The following SPATA13 variants were observed in gnomAD, a reference collection of about 807,000 sequenced individuals.
SPATA13 encodes spermatogenesis associated 13.
SPATA13 carries 50 observed loss-of-function variants against 104.0 expected under a neutral mutation model. The ratio of observed to expected loss-of-function variants is 0.48; its 90% CI spans 0.38 to 0.61. The LOEUF (loss-of-function observed/expected upper bound fraction) is 0.61, where lower values mean the gene tolerates loss of function less well. SPATA13 is among the 20% of genes least tolerant of loss of function. SPATA13 has a pLI of 0.00. For missense variants in SPATA13, 1,524 were observed against 1,690.6 expected, an observed-to-expected ratio of 0.90 and a Z score of 1.73; for synonymous variants, 606 against 667.5, an observed-to-expected ratio of 0.91 and a Z score of 1.42.
chr13:24,219,719 G>T (rs541695923), intron 1 of SPATA13, among the ~76,000 whole-genome samples: 17 of 152,306 alleles, frequency 1.1e-4, no homozygotes, highest in African/African-American at 3.8e-4. Context: ...ATTGCAGGGG[G>T]CTCAGGAAGG....
At chr13:24,120,475 C>T (rs1223045015) in intron 3 of SPATA13, among the ~76,000 whole-genome samples, 5 of 152,168 alleles carry the variant, frequency 3.3e-5, no homozygotes, top group Non-Finnish European at 5.9e-5. Flanking sequence ...AATTTCTCCA[C>T]CTTTTGCACA....
At position 24,160,906 on chromosome 13, in the gene SPATA13, A is replaced by G. The variant is rs973851203; in HGVS notation, c.-138A>G. 6.1e-6 allele frequency: 6 copies of G among 985,232 alleles called. No individual in the cohort carries two copies. Among genetic ancestry groups the G allele is most frequent in the African/African-American group, 1.8e-5 (1 of 57,094 alleles). The allele number at this position is 985,232 out of a possible 1,614,324, so 61.0% of individuals were successfully genotyped here. On this transcript the variant is annotated 5_prime_UTR_variant, in exon 1 of 13. Coordinates refer to ENST00000382108, the MANE Select transcript of SPATA13 (RefSeq NM_001166271.3). ...GACGTGTTGGACACGCTGACTTTGT[A>G]GGCTCCGCCAAGAGGCGCCGCAGGA...
At position 24,223,589 on chromosome 13, in the gene SPATA13, C is replaced by A; in HGVS notation, c.660C>A (p.Asn220Lys). The change falls in exon 2 of 13, where the codon AAC (asparagine) becomes AAA (lysine). Residue 220 changes from asparagine (N) to lysine (K), a missense_variant. By Grantham distance (94) the Asn-to-Lys change is moderately conservative. This residue lies in a region of SPATA13 where 1,089 missense variants were observed against 1,135.9 expected (regional missense o/e 0.96). Coordinates refer to ENST00000382108, the MANE Select transcript of SPATA13 (RefSeq NM_001166271.3). ...GRICLLDAPQ[N>K]HATPTIATGQ... The stretch of plus-strand genomic sequence containing the variant: ...TCTGCCTGCTGGATGCGCCCCAGAA[C>A]CATGCGACACCCACGATAGCCACTG... 6.4e-7 allele frequency: 1 copy of A among 1,550,740 alleles called. No homozygotes were observed. The highest frequency in any genetic ancestry group is 8.7e-7 in the Non-Finnish European group (1 of 1,147,016).
chr13:24,174,491 T>C (rs118170712), intron 1 of SPATA13, among the ~76,000 whole-genome samples: 1,567 of 152,206 alleles, frequency 0.01, 10 homozygotes, highest in Non-Finnish European at 0.012. Context: ...CAGCACTGCT[T>C]TCGCTATATT....
chr13:24,228,486 T>G (rs978058913), intron 2 of SPATA13, among the ~76,000 whole-genome samples: 2 of 152,218 alleles, frequency 1.3e-5, no homozygotes, highest in African/African-American at 4.8e-5. Context: ...ACATTGCATC[T>G]TATACACTGG....
intron 3 of SPATA13, among the ~76,000 whole-genome samples, chr13:24,082,587 G>A (rs1323551900): frequency 6.6e-6 from 1 of 151,876 alleles, no homozygotes. Context: ...TTGGGAGGCC[G>A]AGGCGGGTGG....
At chr13:23,983,997 G>A (rs1875033129) in intron 2 of SPATA13, 1 of 971,942 alleles carries the variant, frequency 1.0e-6, no homozygotes, top group Admixed American at 6.2e-5. Flanking sequence ...AGATACCTAT[G>A]GCAGAGTATT....
intron 4 of SPATA13, chr13:24,278,922 TTCC>T: frequency 9.2e-7 from 1 of 1,082,884 alleles, no homozygotes; most frequent in Admixed American, 3.5e-5. Flanking sequence ...CCTTCCTTCC[TTCC>T]CTCTTTCCTT....
intron 3 of SPATA13, among the ~76,000 whole-genome samples, chr13:24,133,809 G>A (rs1053203656): frequency 1.3e-5 from 2 of 152,178 alleles, no homozygotes; most frequent in African/African-American, 2.4e-5. Flanking sequence ...CAGAGTTATG[G>A]TCCAAAGGGG....
intron 2 of SPATA13, among the ~76,000 whole-genome samples, chr13:24,006,595 G>C (rs1389322588): frequency 2.0e-5 from 3 of 152,208 alleles, no homozygotes; most frequent in Admixed American, 6.5e-5. Context: ...ACAGTTGCAG[G>C]TGTGGTTGAC....
chr13:23,988,151 G>A (rs911002322), intron 2 of SPATA13, among the ~76,000 whole-genome samples: 1 of 152,028 alleles, frequency 6.6e-6, no homozygotes, highest in Non-Finnish European at 1.5e-5. Flanking sequence ...CACTGTGTTG[G>A]CCAGGCTGGT....
At chr13:24,124,596 C>T (rs1355450509) in intron 3 of SPATA13, among the ~76,000 whole-genome samples, 2 of 152,196 alleles carry the variant, frequency 1.3e-5, no homozygotes, top group African/African-American at 4.8e-5. Flanking sequence ...TCAAACAAGT[C>T]TAATTGGACA....
At chr13:24,157,486 G>C (rs1031473456), upstream of SPATA13, among the ~76,000 whole-genome samples, 2 of 152,080 alleles carry the variant, frequency 1.3e-5, no homozygotes, top group Non-Finnish European at 2.9e-5. Flanking sequence ...ATTTTTAGTA[G>C]AGACGGGGTT....
chr13:24,086,687 G>T (rs1034621181), intron 3 of SPATA13, among the ~76,000 whole-genome samples: 1 of 152,140 alleles, frequency 6.6e-6, no homozygotes, highest in Non-Finnish European at 1.5e-5. Flanking sequence ...AAGGAAAGAA[G>T]GCAGACTCCC....
Position 24,296,162 on chromosome 13 carries a change from A to G in SPATA13, c.3211-1201A>G, listed in dbSNP as rs532424019. ...GGTGGTGAAAATTGGAGAGAAACAC[A>G]TACATTTCAAGGGCCTTATAGACTT... On this transcript the variant is annotated intron_variant, in intron 10 of 12. Coordinates refer to ENST00000382108, the MANE Select transcript of SPATA13 (RefSeq NM_001166271.3). Among the ~76,000 whole-genome samples, 5 of 152,254 alleles carry G rather than the reference A, an allele frequency of 3.3e-5. No individual in the cohort carries two copies. The South Asian group carries it at 8.3e-4, about 25-fold the overall frequency.
intron 3 of SPATA13, chr13:24,123,380 T>A: frequency 7.8e-7 from 1 of 1,289,800 alleles, no homozygotes; most frequent in Non-Finnish European, 1.1e-6. Context: ...AAGCCCTTGC[T>A]CTCATGTAGC....
intron 3 of SPATA13, among the ~76,000 whole-genome samples, chr13:24,060,723 G>T (rs545539638): frequency 6.6e-6 from 1 of 152,134 alleles, no homozygotes; most frequent in East Asian, 1.9e-4. Flanking sequence ...CATCTGTAAG[G>T]AACTTAAGCA....
intron 3 of SPATA13, among the ~76,000 whole-genome samples, chr13:24,077,130 C>T (rs1002008358): frequency 6.6e-6 from 1 of 152,024 alleles, no homozygotes; most frequent in Non-Finnish European, 1.5e-5. Context: ...CACAGTTGAA[C>T]TTAATAGCAA....
intron 1 of SPATA13, among the ~76,000 whole-genome samples, chr13:24,209,536 T>C (rs1475199): frequency 0.68 from 103,880 of 152,006 alleles, 35,745 homozygotes; most frequent in South Asian, 0.83. Context: ...TCTCTGTGCC[T>C]GGCTCATTTC....
Sources: allele counts gnomAD v4.1 joint callset (sites outside exome capture counted in the v4.1 genomes callset), GRCh38; gene constraint gnomAD v4.1.1; regional missense constraint gnomAD v4.1.1; transcripts MANE v1.5; gene names NCBI Gene and HGNC (gene_info 2026-07-23, HGNC 2026-07-21).